Variants in NR3C1 observed in about 807,000 individuals in gnomAD.
NR3C1 encodes glucocorticoid receptor.
A neutral mutation model predicts 74.0 loss-of-function variants in NR3C1; 14 were observed. That is an observed-to-expected ratio of 0.19 (90% CI 0.12 to 0.30). The LOEUF is 0.30. Among genes scored for constraint, NR3C1 ranks in the 10% least tolerant of loss-of-function variants. The pLI is 1.00. For synonymous variants in NR3C1, 308 were observed against 332.5 expected, an observed-to-expected ratio of 0.93 and a Z score of 0.80; for missense variants, 695 against 909.8, an observed-to-expected ratio of 0.76 and a Z score of 3.04.
At chr5:143,415,632 T>C (rs1841452124) in intron 1 of NR3C1, among the ~76,000 whole-genome samples, 1 of 152,208 alleles carries the variant, frequency 6.6e-6, no homozygotes, top group Admixed American at 6.5e-5. Flanking sequence ...AATAGTAGCA[T>C]AGTATACCAT....
intron 1 of NR3C1, among the ~76,000 whole-genome samples, chr5:143,415,109 C>T (rs1264197155): frequency 6.6e-6 from 1 of 152,140 alleles, no homozygotes; most frequent in African/African-American, 2.4e-5. Context: ...ATAACACATA[C>T]TTATTGTAAA....
chr5:143,372,558 C>G (rs1213520257), intron 2 of NR3C1, among the ~76,000 whole-genome samples: 1 of 152,198 alleles, frequency 6.6e-6, no homozygotes, highest in East Asian at 1.9e-4. Flanking sequence ...CTGCGGGTAA[C>G]TGAAACCTTG....
At position 143,279,951 on chromosome 5, in the gene NR3C1, G is replaced by A. The variant is rs1039114100; in HGVS notation, c.*1938C>T. On this transcript the variant is annotated 3_prime_UTR_variant, in exon 9 of 9. Coordinates refer to ENST00000394464, the MANE Select transcript of NR3C1 (RefSeq NM_000176.3). ...GGGAGATTGAGTAAACTAAACCTGC[G>A]CTGACAGACTCACTGTTGGAATGAG... The A allele has an allele frequency of 2.0e-5, 3 of 152,580 alleles. No individual in the cohort carries two copies. Among genetic ancestry groups the A allele is most frequent in the Non-Finnish European group, 4.4e-5 (3 of 68,214 alleles). 9.5% of individuals were successfully genotyped at this position (152,580 alleles called of 1,614,324 possible).
In NR3C1 at chr5:143,400,382, T is replaced by C; in HGVS notation, c.458A>G (p.Glu153Gly). 6.2e-7 allele frequency: 1 copy of C among 1,614,218 alleles called. No homozygotes were observed. The highest frequency in any genetic ancestry group is 2.2e-5 in the East Asian group (1 of 44,886). ...AGAGTGAGTTTTTGGAAACTCCTTC[T>C]CTGTGGGGGCAGCAGACACAGCAGT... ...ASTAVSAAPTEKEFPKTHSDV... is the reference protein window; with the variant it reads ...ASTAVSAAPTGKEFPKTHSDV... Residue 153 changes from glutamate to glycine, a missense_variant, in exon 2 of 9, where the codon GAG becomes GGG. Glu to Gly is a moderately conservative substitution (Grantham distance 98, BLOSUM62 -2). Around this residue, in one of 4 missense-constraint regions of NR3C1, gnomAD observed 497 missense variants for 489.5 expected, o/e 1.02. Transcript: ENST00000394464.
At chr5:143,298,235 C>A (rs975585184) in intron 6 of NR3C1, among the ~76,000 whole-genome samples, 3 of 152,168 alleles carry the variant, frequency 2.0e-5, no homozygotes, top group African/African-American at 7.2e-5. Context: ...GTGAGCCTTG[C>A]CATGCAAAGA....
chr5:143,390,706 T>C (rs988219162), intron 2 of NR3C1, among the ~76,000 whole-genome samples: 9 of 152,192 alleles, frequency 5.9e-5, no homozygotes, highest in Non-Finnish European at 1.3e-4. Context: ...AGCTATTCAC[T>C]TATTCCAGGC....
chr5:143,279,532 A>G lies in NR3C1; in HGVS notation c.*2357T>C. 2 of 884,804 alleles carry G rather than the reference A, an allele frequency of 2.3e-6. No homozygotes were observed. Among genetic ancestry groups the G allele is most frequent in the South Asian group, 2.4e-5 (1 of 40,848 alleles). The allele number at this position is 884,804 out of a possible 1,614,324, so 54.8% of individuals were successfully genotyped here. On this transcript the variant is annotated 3_prime_UTR_variant, in exon 9 of 9. Transcript: ENST00000394464. The stretch of plus-strand genomic sequence containing the variant: ...AATTTATCCAGCCGGGTTACACACC[A>G]TCTTAAAATATTACATTCCCTTTTA...
chr5:143,301,565 A>C (rs960410784), intron 4 of NR3C1, among the ~76,000 whole-genome samples: 1 of 152,138 alleles, frequency 6.6e-6, no homozygotes, highest in Non-Finnish European at 1.5e-5. Flanking sequence ...CCATCTACTC[A>C]AACTACAACA....
chr5:143,335,188 C>G (rs1455103175), intron 2 of NR3C1, among the ~76,000 whole-genome samples: 1 of 152,150 alleles, frequency 6.6e-6, no homozygotes, highest in East Asian at 1.9e-4. Flanking sequence ...GTGGTACATG[C>G]CGAGGCCCTT....
chr5:143,406,280 T>A (rs1841104428), upstream of NR3C1, among the ~76,000 whole-genome samples: 1 of 152,074 alleles, frequency 6.6e-6, no homozygotes, highest in Non-Finnish European at 1.5e-5. Flanking sequence ...TGGTAGGTAC[T>A]CTGCTTAAAT....
At chr5:143,396,190 A>G (rs896239305) in intron 2 of NR3C1, among the ~76,000 whole-genome samples, 1 of 151,850 alleles carries the variant, frequency 6.6e-6, no homozygotes, top group South Asian at 2.1e-4. Flanking sequence ...GTCATTTCAC[A>G]CTAAAATGAC....
At position 143,396,400 on chromosome 5, in the gene NR3C1, C is replaced by T. The variant is rs181711832; in HGVS notation, c.1184+3256G>A. Among the ~76,000 whole-genome samples, 491 of 151,688 alleles carry T rather than the reference C, an allele frequency of 3.2e-3. 9 individuals carry two copies. In the South Asian group the frequency reaches 0.039, roughly 12 times the overall value. ...ATATTAAGCTTAAAAAACACTGAAA[C>T]ACCCATTGCCAGAATCTTTAGAAGG... is the stretch of plus-strand genomic sequence containing the variant. On this transcript the variant is annotated intron_variant, in intron 2 of 8. Coordinates refer to ENST00000394464, the MANE Select transcript of NR3C1 (RefSeq NM_000176.3).
intron 2 of NR3C1, among the ~76,000 whole-genome samples, chr5:143,363,590 A>G (rs1472973041): frequency 6.6e-6 from 1 of 152,126 alleles, no homozygotes. Flanking sequence ...ATAAAAAAAA[A>G]AAGACTTAAA....
Position 143,284,440 on chromosome 5 carries a change from A to G in NR3C1, c.2024-1715T>C, listed in dbSNP as rs531466977. On this transcript the variant is annotated intron_variant, in intron 7 of 8. Transcript: ENST00000394464. ...CCGCTTAATCAGGAGTGATAACGGC[A>G]TTCTATATTAACAATGGGTTAATTT... is the stretch of plus-strand genomic sequence containing the variant. 1.8e-4 allele frequency among the ~76,000 whole-genome samples: 26 copies of G among 142,780 alleles called. No individual in the cohort carries two copies. The East Asian group carries it at 3.9e-3, about 21-fold the overall frequency. 93.7% of individuals were successfully genotyped at this position (142,780 alleles called of 152,430 possible).
chr5:143,302,682 T>G (rs1818755058), intron 4 of NR3C1, among the ~76,000 whole-genome samples: 1 of 152,106 alleles, frequency 6.6e-6, no homozygotes, highest in African/African-American at 2.4e-5. Flanking sequence ...ACTGATGTTT[T>G]TCAATACAGC....
At chr5:143,309,503 T>C (rs1404540202) in intron 4 of NR3C1, among the ~76,000 whole-genome samples, 1 of 152,184 alleles carries the variant, frequency 6.6e-6, no homozygotes, top group East Asian at 1.9e-4. Context: ...GGTAATATCT[T>C]CACATAAAAA....
In NR3C1 at chr5:143,278,811, G is replaced by A. The variant is rs1812693490; in HGVS notation, c.*3078C>T. On this transcript the variant is annotated 3_prime_UTR_variant, in exon 9 of 9. Coordinates refer to ENST00000394464, the MANE Select transcript of NR3C1 (RefSeq NM_000176.3). ...TCCCTGCCTCTGAATTCTGAAGGGA[G>A]CGTGGCTTTCCTTCATGGCATGCCC... The A allele has an allele frequency of 6.6e-6, 1 of 152,306 alleles. No individual in the cohort carries two copies. Among genetic ancestry groups the A allele is most frequent in the African/African-American group, 2.4e-5 (1 of 41,430 alleles). 9.4% of individuals were successfully genotyped at this position (152,306 alleles called of 1,614,324 possible). A position where few individuals can be genotyped will look rare whatever the true frequency, so the allele number is the denominator to read the frequency against.
intron 1 of NR3C1, among the ~76,000 whole-genome samples, chr5:143,428,547 A>C (rs1751651758): frequency 6.6e-6 from 1 of 152,180 alleles, no homozygotes. Flanking sequence ...GCTCTAGTTC[A>C]GGGGCTGGCA....
upstream of NR3C1, chr5:143,405,023 G>A (rs959725853): frequency 3.6e-5 from 24 of 670,534 alleles, no homozygotes; most frequent in African/African-American, 1.2e-4. Context: ...GGGAACTCGT[G>A]GTCCGTCCTG....
Sources: allele counts gnomAD v4.1 joint callset (sites outside exome capture counted in the v4.1 genomes callset), GRCh38; gene constraint gnomAD v4.1.1; regional missense constraint gnomAD v4.1.1; transcripts MANE v1.5; gene names NCBI Gene and HGNC (gene_info 2026-07-23, HGNC 2026-07-21).